Variants in SNTG2 observed in about 807,000 individuals in gnomAD.
SNTG2 encodes the protein gamma-2-syntrophin.
Under a neutral mutation model 70.9 loss-of-function variants are expected in SNTG2, and 74 were observed. The observed-to-expected ratio is 1.04, with a 90% confidence interval of 0.86 to 1.27. SNTG2 has a LOEUF of 1.27. Among genes scored for constraint, SNTG2 ranks in the 50% most tolerant of loss-of-function variants. SNTG2 has a pLI of 0.00. For missense variants in SNTG2, 717 were observed against 690.7 expected (o/e 1.04, Z -0.43); for synonymous variants, 278 against 273.8 (o/e 1.02, Z -0.15).
intron 1 of SNTG2, among the ~76,000 whole-genome samples, chr2:1,062,192 C>T (rs1258552194): frequency 2.0e-5 from 3 of 152,134 alleles, no homozygotes; most frequent in Non-Finnish European, 4.4e-5. Context: ...ATATAAATGG[C>T]TCTACAGTAA....
rs868061364 is a variant in SNTG2 at position 1,111,816 on chromosome 2, C to T, written c.325+13406C>T. ...TCGTGTGTACTAAGTGAGGTTTAACCCTTACAGTCCTTTGAGAAGAATCGT... is the reference window on the plus strand; with the variant it reads ...TCGTGTGTACTAAGTGAGGTTTAACTCTTACAGTCCTTTGAGAAGAATCGT... On this transcript the variant is annotated intron_variant, in intron 4 of 16. Transcript: ENST00000308624. Among the ~76,000 whole-genome samples, 4 of 152,314 alleles carry T rather than the reference C, an allele frequency of 2.6e-5. No homozygotes were observed. The South Asian group carries it at 6.2e-4, about 24-fold the overall frequency.
At chr2:1,337,927 C>G (rs947200772) in intron 16 of SNTG2, among the ~76,000 whole-genome samples, 4 of 152,146 alleles carry the variant, frequency 2.6e-5, no homozygotes, top group African/African-American at 4.8e-5. Context: ...AACCGGATAT[C>G]TAATTTTCCC....
At chr2:1,247,919 G>T (rs537015794) in intron 12 of SNTG2, among the ~76,000 whole-genome samples, 2 of 151,994 alleles carry the variant, frequency 1.3e-5, no homozygotes, top group Admixed American at 6.6e-5. Context: ...GAATGCTATC[G>T]TTCTGCAATT....
chr2:1,306,626 G>C (rs1418573235), intron 14 of SNTG2, among the ~76,000 whole-genome samples: 3 of 152,052 alleles, frequency 2.0e-5, no homozygotes, highest in African/African-American at 7.2e-5. Flanking sequence ...CTGAGGACTG[G>C]GGACTGAGAC....
chr2:1,037,158 T>G (rs773069763), intron 1 of SNTG2, among the ~76,000 whole-genome samples: 1 of 152,176 alleles, frequency 6.6e-6, no homozygotes, highest in Non-Finnish European at 1.5e-5. Context: ...CACTCAGGGC[T>G]CTCCATCTGC....
At chr2:1,238,907 C>G (rs571015744) in intron 10 of SNTG2, among the ~76,000 whole-genome samples, 1 of 152,374 alleles carries the variant, frequency 6.6e-6, no homozygotes, top group South Asian at 2.1e-4. Context: ...GTCTCCCTTG[C>G]AACCTCCCTT....
chr2:1,122,764 GAAGTA>G (rs1327530148), intron 4 of SNTG2, among the ~76,000 whole-genome samples: 9 of 145,342 alleles, frequency 6.2e-5, no homozygotes, highest in African/African-American at 2.2e-4. Flanking sequence ...AAGAAAGGAA[GAAGTA>G]AAGTTATCTA....
chr2:980,107 G>A (rs5020130), intron 1 of SNTG2, among the ~76,000 whole-genome samples: 57,894 of 151,874 alleles, frequency 0.38, 11,339 homozygotes, highest in Middle Eastern at 0.46. Flanking sequence ...TTCAAGCTGA[G>A]CTCAAATACA....
In SNTG2 at chr2:1,007,630, T is replaced by G. The variant is rs1450998458; in HGVS notation, c.72+56562T>G. ...TCCTAAGACTGCTTCTCTTAAACGA[T>G]TTCCTAAAAATCATCATAGAATGAT... On this transcript the variant is annotated intron_variant, in intron 1 of 16. Coordinates refer to ENST00000308624, the MANE Select transcript of SNTG2 (RefSeq NM_018968.4). Among the ~76,000 whole-genome samples the G allele has an allele frequency of 2.3e-4, 35 of 152,162 alleles. 2 individuals carry two copies. Among genetic ancestry groups the G allele is most frequent in the Admixed American group, 2.1e-3 (32 of 15,272 alleles).
At chr2:1,276,362 G>A (rs980566533) in intron 14 of SNTG2, among the ~76,000 whole-genome samples, 1 of 152,218 alleles carries the variant, frequency 6.6e-6, no homozygotes, top group Non-Finnish European at 1.5e-5. Flanking sequence ...TGTATATGGA[G>A]ACTTTAAGTT....
intron 6 of SNTG2, among the ~76,000 whole-genome samples, chr2:1,140,302 A>C (rs2147772349): frequency 6.6e-6 from 1 of 152,372 alleles, no homozygotes; most frequent in Admixed American, 6.5e-5. Flanking sequence ...CCTTTTTAGT[A>C]CATCTATGCA....
At chr2:1,158,854 C>G (rs968438069) in intron 6 of SNTG2, among the ~76,000 whole-genome samples, 1 of 152,090 alleles carries the variant, frequency 6.6e-6, no homozygotes, top group Non-Finnish European at 1.5e-5. Context: ...ACGGAGCACA[C>G]CGGAAGACAG....
chr2:999,270 GA>G (rs1661789075), intron 1 of SNTG2, among the ~76,000 whole-genome samples: 1 of 152,050 alleles, frequency 6.6e-6, no homozygotes, highest in Non-Finnish European at 1.5e-5. Context: ...ATTATGACAG[GA>G]ACAACACCTC....
At chr2:1,075,067 TCTC>T (rs1261366650) in intron 1 of SNTG2, among the ~76,000 whole-genome samples, 4 of 152,210 alleles carry the variant, frequency 2.6e-5, no homozygotes, top group Non-Finnish European at 5.9e-5. Context: ...GATCCAATAT[TCTC>T]CTCATTACAG....
chr2:1,235,289 C>A (rs1377339609), intron 9 of SNTG2, among the ~76,000 whole-genome samples: 3 of 82,486 alleles, frequency 3.6e-5, no homozygotes, highest in Non-Finnish European at 5.4e-5. Context: ...ACCAGGCACA[C>A]CCTATTCATG....
intron 9 of SNTG2, among the ~76,000 whole-genome samples, chr2:1,234,139 C>T (rs556978842): frequency 1.3e-5 from 2 of 152,132 alleles, no homozygotes; most frequent in South Asian, 2.1e-4. Flanking sequence ...GGAGGAAACT[C>T]GGAGGAAACC....
intron 1 of SNTG2, among the ~76,000 whole-genome samples, chr2:962,160 A>G (rs1269485108): frequency 6.6e-6 from 1 of 152,170 alleles, no homozygotes; most frequent in Non-Finnish European, 1.5e-5. Context: ...GAACTCCCCA[A>G]ACACCTCAGC....
At chr2:976,537 C>T (rs1228693392) in intron 1 of SNTG2, among the ~76,000 whole-genome samples, 4 of 152,218 alleles carry the variant, frequency 2.6e-5, no homozygotes, top group Admixed American at 6.5e-5. Context: ...AGCTCTTCTC[C>T]GAGTTTTGCC....
chr2:1,210,109 C>T (rs183877118), intron 9 of SNTG2, among the ~76,000 whole-genome samples: 4 of 152,288 alleles, frequency 2.6e-5, no homozygotes, highest in African/African-American at 4.8e-5. Flanking sequence ...TTTCATGAAG[C>T]GTTAGAATTA....
Sources: allele counts gnomAD v4.1 joint callset (sites outside exome capture counted in the v4.1 genomes callset), GRCh38; gene constraint gnomAD v4.1.1; transcripts MANE v1.5; gene names NCBI Gene and HGNC (gene_info 2026-07-23, HGNC 2026-07-21).